Variants in CENPW observed in about 807,000 individuals in gnomAD.
The protein encoded by CENPW is cancer-up-regulated gene 2 protein.
CENPW carries 3 observed loss-of-function variants against 11.1 expected under a neutral mutation model. That is an observed-to-expected ratio of 0.27 (90% confidence interval 0.12 to 0.70). CENPW has a LOEUF of 0.70. Among genes scored for constraint, CENPW ranks in the 30% least tolerant of loss-of-function variants. The pLI is 0.77. For missense variants in CENPW, 100 were observed against 105.6 expected (o/e 0.95, Z 0.23); for synonymous variants, 38 against 42.0 (o/e 0.91, Z 0.37).
At chr6:126,345,280 G>GAT (rs1280204789) in intron 1 of CENPW, among the ~76,000 whole-genome samples, 1 of 151,650 alleles carries the variant, frequency 6.6e-6, no homozygotes, top group Admixed American at 6.6e-5. Flanking sequence ...CGATAATGTT[G>GAT]ATATATATAT....
chr6:126,393,229 A>T, the CENPW span, among the ~76,000 whole-genome samples: 1 of 151,818 alleles, frequency 6.6e-6, no homozygotes, highest in Non-Finnish European at 1.5e-5. Flanking sequence ...ATGTTTTAAA[A>T]AAATTAACTT....
At chr6:126,438,670 AAC>A in the CENPW span, among the ~76,000 whole-genome samples, 1 of 151,712 alleles carries the variant, frequency 6.6e-6, no homozygotes, top group East Asian at 1.9e-4. Flanking sequence ...TGGGAGTACA[AAC>A]ACACTTTCTG....
the CENPW span, among the ~76,000 whole-genome samples, chr6:126,386,695 C>T: frequency 1.7e-4 from 20 of 116,536 alleles, no homozygotes; most frequent in East Asian, 0.065. Context: ...TTTTATTCAA[C>T]ACCCTTTTTT....
At chr6:126,351,185 G>A (rs1780487380), downstream of CENPW, among the ~76,000 whole-genome samples, 1 of 151,088 alleles carries the variant, frequency 6.6e-6, no homozygotes. Context: ...AGTGGAGTAG[G>A]ATGAGGGAAG....
the CENPW span, among the ~76,000 whole-genome samples, chr6:126,468,327 G>A: frequency 3.4e-5 from 5 of 148,136 alleles, no homozygotes; most frequent in African/African-American, 1.2e-4. Context: ...AGCTGAGGCC[G>A]GAGAATCGCT....
At chr6:126,439,741 A>G in the CENPW span, among the ~76,000 whole-genome samples, 1 of 151,622 alleles carries the variant, frequency 6.6e-6, no homozygotes, top group Admixed American at 6.6e-5. Context: ...AAAGATTTCT[A>G]ACCACTCTCT....
the CENPW span, among the ~76,000 whole-genome samples, chr6:126,411,188 T>C: frequency 2.6e-5 from 4 of 152,274 alleles, no homozygotes; most frequent in East Asian, 7.7e-4. Context: ...AGGAGGGGTA[T>C]GGGGACTCTG....
At chr6:126,383,431 C>T in the CENPW span, among the ~76,000 whole-genome samples, 1 of 152,054 alleles carries the variant, frequency 6.6e-6, no homozygotes, top group African/African-American at 2.4e-5. Flanking sequence ...CAATACTAAC[C>T]TTGAGTATAA....
At chr6:126,473,300 G>A in the CENPW span, among the ~76,000 whole-genome samples, 1 of 152,098 alleles carries the variant, frequency 6.6e-6, no homozygotes. Context: ...TTGCTGGATT[G>A]CATAGTAAAA....
chr6:126,380,007 C>T, the CENPW span, among the ~76,000 whole-genome samples: 1 of 152,190 alleles, frequency 6.6e-6, no homozygotes, highest in East Asian at 1.9e-4. Context: ...AATCAAGCTT[C>T]ATTACCAGTT....
the CENPW span, among the ~76,000 whole-genome samples, chr6:126,380,430 GA>G: frequency 6.6e-6 from 1 of 152,194 alleles, no homozygotes; most frequent in Non-Finnish European, 1.5e-5. Flanking sequence ...ATTCACCTAT[GA>G]CCTTAGTAAT....
At position 126,340,482 on chromosome 6, in the gene CENPW, C is replaced by T. The variant is rs79621298; in HGVS notation, c.126+83C>T. On this transcript the variant is annotated intron_variant, in intron 1 of 2. Transcript: ENST00000368328. ...ACCTTAAGCCTTTGTTTTTCCGCCC[C>T]GAGCCAATTTATAGCTCTTTCAGGC... 1.3e-3 allele frequency: 2,077 copies of T among 1,604,066 alleles called. 20 individuals carry two copies. In the African/African-American group the frequency reaches 0.024, roughly 19 times the overall value.
chr6:126,479,631 C>T, the CENPW span, among the ~76,000 whole-genome samples: 328 of 152,084 alleles, frequency 2.2e-3, no homozygotes, highest in African/African-American at 7.7e-3. Flanking sequence ...ATGTCTTTCA[C>T]ATATATTTTC....
At chr6:126,379,854 A>T in the CENPW span, among the ~76,000 whole-genome samples, 1 of 152,198 alleles carries the variant, frequency 6.6e-6, no homozygotes, top group Non-Finnish European at 1.5e-5. Context: ...ACAGCTATAA[A>T]AGTAGGCATT....
the CENPW span, among the ~76,000 whole-genome samples, chr6:126,475,875 C>A: frequency 6.6e-6 from 1 of 151,896 alleles, no homozygotes; most frequent in Non-Finnish European, 1.5e-5. Flanking sequence ...ACATGGAATG[C>A]CAGAGCTAAA....
the CENPW span, among the ~76,000 whole-genome samples, chr6:126,415,033 T>C: frequency 7.2e-5 from 11 of 152,056 alleles, no homozygotes; most frequent in Admixed American, 2.0e-4. Flanking sequence ...CCTAACAAGA[T>C]TGAGCCAGGA....
chr6:126,454,226 T>C, the CENPW span, among the ~76,000 whole-genome samples: 3 of 151,250 alleles, frequency 2.0e-5, no homozygotes, highest in Non-Finnish European at 4.4e-5. Context: ...ATGGGCCTAA[T>C]AGACATCTAT....
chr6:126,426,873 A>G, the CENPW span, among the ~76,000 whole-genome samples: 1 of 152,174 alleles, frequency 6.6e-6, no homozygotes, highest in Non-Finnish European at 1.5e-5. Context: ...ATCCGCAGTA[A>G]GTTTATAAAG....
At chr6:126,353,465 A>G (rs562127663), downstream of CENPW, among the ~76,000 whole-genome samples, 86 of 152,108 alleles carry the variant, frequency 5.7e-4, no homozygotes, top group African/African-American at 2.1e-3. Context: ...AGAGGGTAAT[A>G]TGTCTTTTTT....
Sources: allele counts gnomAD v4.1 joint callset (sites outside exome capture counted in the v4.1 genomes callset), GRCh38; gene constraint gnomAD v4.1.1; transcripts MANE v1.5; gene names NCBI Gene and HGNC (gene_info 2026-07-23, HGNC 2026-07-21).